Variants in NXPE3 observed in about 807,000 individuals in gnomAD.
NXPE3 encodes the protein NXPE family member 3.
Under a neutral mutation model 46.1 loss-of-function variants are expected in NXPE3, and 26 were observed. That is an observed-to-expected ratio of 0.56 (90% CI 0.41 to 0.78). The LOEUF (loss-of-function observed/expected upper bound fraction) is 0.78. Among genes scored for constraint, NXPE3 ranks in the 30% least tolerant of loss-of-function variants. The probability of loss-of-function intolerance (pLI) is 0.00; values close to 1 mark genes in which losing one functional copy is unlikely to be tolerated. For missense variants in NXPE3, 620 were observed against 686.0 expected (o/e 0.90, Z 1.07); for synonymous variants, 272 against 257.9 (o/e 1.05, Z -0.52).
At chr3:101,802,397 C>T (rs1284271884) in intron 5 of NXPE3, among the ~76,000 whole-genome samples, 2 of 150,706 alleles carry the variant, frequency 1.3e-5, no homozygotes, top group South Asian at 2.1e-4. Context: ...ACGGGAGGAT[C>T]GCTTGAGCCC....
intron 6 of NXPE3, among the ~76,000 whole-genome samples, chr3:101,810,559 G>C (rs1191201886): frequency 6.6e-6 from 1 of 152,136 alleles, no homozygotes; most frequent in Non-Finnish European, 1.5e-5. Flanking sequence ...ATTATCCTAG[G>C]TAGACCTGAC....
intron 1 of NXPE3, among the ~76,000 whole-genome samples, chr3:101,780,316 A>G (rs1242543684): frequency 2.0e-5 from 3 of 152,136 alleles, no homozygotes; most frequent in African/African-American, 7.2e-5. Context: ...TATCCTCACA[A>G]TCTCTTTGGG....
chr3:101,792,087 A>G (rs934430956), intron 4 of NXPE3, among the ~76,000 whole-genome samples: 6 of 152,210 alleles, frequency 3.9e-5, no homozygotes, highest in African/African-American at 1.4e-4. Context: ...GTTTCTGTTC[A>G]TGTCCTTTGC....
chr3:101,786,927 A>G (rs1203782817), intron 4 of NXPE3, among the ~76,000 whole-genome samples: 1 of 152,124 alleles, frequency 6.6e-6, no homozygotes, highest in Non-Finnish European at 1.5e-5. Flanking sequence ...TACCCATTAA[A>G]CAGTGATTAC....
At position 101,802,388 on chromosome 3, in the gene NXPE3, C is replaced by T. The variant is rs945235061; in HGVS notation, c.848+399C>T. ...ATCCCAGCACTTTGGGAGGCTGAAACGGGAGGATCGCTTGAGCCCAGGAGT... is the reference window on the plus strand; with the variant it reads ...ATCCCAGCACTTTGGGAGGCTGAAATGGGAGGATCGCTTGAGCCCAGGAGT... On this transcript the variant is annotated intron_variant, in intron 5 of 7. Transcript: ENST00000273347. Among the ~76,000 whole-genome samples, 467 of 150,470 alleles carry T rather than the reference C, an allele frequency of 3.1e-3. 4 individuals carry two copies. The highest frequency in any genetic ancestry group is 0.011 in the African/African-American group (430 of 40,098).
intron 1 of NXPE3, among the ~76,000 whole-genome samples, chr3:101,780,413 A>G (rs983026722): frequency 1.3e-5 from 2 of 152,274 alleles, no homozygotes; most frequent in South Asian, 2.1e-4. Flanking sequence ...ATTGCCTGGG[A>G]ATTGGGTTGT....
At chr3:101,783,362 G>A (rs1939944495) in intron 3 of NXPE3, among the ~76,000 whole-genome samples, 1 of 152,124 alleles carries the variant, frequency 6.6e-6, no homozygotes, top group South Asian at 2.1e-4. Context: ...CACCTGGCCT[G>A]GTATATATCT....
At chr3:101,808,856 T>TATATATACACATATATA (rs1941575402) in intron 6 of NXPE3, among the ~76,000 whole-genome samples, 2 of 127,658 alleles carry the variant, frequency 1.6e-5, no homozygotes, top group African/African-American at 3.0e-5. Flanking sequence ...TATATATATA[T>TATATATACACATATATA]GAGACATTTA....
intron 4 of NXPE3, among the ~76,000 whole-genome samples, chr3:101,786,241 CA>C (rs1940166421): frequency 6.6e-6 from 1 of 152,166 alleles, no homozygotes; most frequent in African/African-American, 2.4e-5. Context: ...TCCCCAGCCC[CA>C]ACATGAACTC....
intron 4 of NXPE3, 120 bp downstream of exon 4, chr3:101,785,809 T>G (rs1007178401): frequency 3.8e-6 from 3 of 781,090 alleles, no homozygotes; most frequent in African/African-American, 3.4e-5. Flanking sequence ...TTGTTTTCAT[T>G]TATTCGGTAA....
intron 3 of NXPE3, among the ~76,000 whole-genome samples, chr3:101,783,551 C>G (rs1939960207): frequency 6.6e-6 from 1 of 152,214 alleles, no homozygotes. Context: ...ATTGCTGCCT[C>G]TGGTCCTGTA....
Position 101,785,623 on chromosome 3 carries a change from G to T in NXPE3, c.27G>T (p.Arg9=). The T allele has an allele frequency of 6.2e-7, 1 of 1,614,076 alleles. No homozygotes were observed. Among genetic ancestry groups the T allele is most frequent in the African/African-American group, 1.3e-5 (1 of 75,018 alleles). ...TGTGGACCAATTTCTTCAAACTACG[G>T]CTTTTCTGCTGTCTGCTTGCAGTGT... MWTNFFKL[R]LFCCLLAVLM... The change falls in exon 4 of 8, where the codon CGG becomes CGT. Residue 9 remains arginine (R), a synonymous_variant. Coordinates refer to ENST00000273347, the MANE Select transcript of NXPE3 (RefSeq NM_145037.4).
chr3:101,808,818 G>GATATAT (rs58006464), intron 6 of NXPE3, among the ~76,000 whole-genome samples: 1,775 of 30,628 alleles, frequency 0.058, 155 homozygotes, highest in African/African-American at 0.076. Context: ...AATTTTAGAG[G>GATATAT]ATATATATAT....
chr3:101,787,497 G>A (rs773627420), intron 4 of NXPE3, among the ~76,000 whole-genome samples: 4 of 152,176 alleles, frequency 2.6e-5, no homozygotes, highest in African/African-American at 4.8e-5. Flanking sequence ...AGTAGAGATG[G>A]CGTTATGCCA....
chr3:101,783,976 T>C (rs1444707206), intron 3 of NXPE3, among the ~76,000 whole-genome samples: 1 of 152,082 alleles, frequency 6.6e-6, no homozygotes, highest in Non-Finnish European at 1.5e-5. Context: ...CCTGTGGAGG[T>C]GGCCAGGACT....
intron 6 of NXPE3, among the ~76,000 whole-genome samples, chr3:101,809,414 C>T (rs1941605503): frequency 1.3e-5 from 2 of 152,216 alleles, no homozygotes; most frequent in South Asian, 2.1e-4. Flanking sequence ...ATCAAGGGCT[C>T]ATAATTTTTT....
At chr3:101,802,247 G>A (rs1171180913) in intron 5 of NXPE3, among the ~76,000 whole-genome samples, 2 of 152,078 alleles carry the variant, frequency 1.3e-5, no homozygotes, top group African/African-American at 4.8e-5. Flanking sequence ...CCTCATATCT[G>A]TGTTTTCCTT....
In NXPE3 at chr3:101,801,562, G is replaced by A; in HGVS notation, c.421G>A (p.Gly141Arg). 1 of 1,614,210 alleles carries A rather than the reference G, an allele frequency of 6.2e-7. No individual in the cohort carries two copies. Among genetic ancestry groups the A allele is most frequent in the Non-Finnish European group, 8.5e-7 (1 of 1,180,042 alleles). ...TCAAAGAAAGCCCAAGAAGTATGGT[G>A]GAGACTACCTGCAGGCCAGAATTCA... ...DFQRKPKKYG[G>R]DYLQARIHSL... The change falls in exon 5 of 8, where the codon GGA becomes AGA. Residue 141 changes from glycine (G) to arginine (R), a missense_variant. By Grantham distance (125) the Gly-to-Arg change is moderately radical (BLOSUM62 -2). Coordinates refer to ENST00000273347, the MANE Select transcript of NXPE3 (RefSeq NM_145037.4).
chr3:101,820,579 A>T (rs1942201878), intron 7 of NXPE3, among the ~76,000 whole-genome samples: 1 of 152,218 alleles, frequency 6.6e-6, no homozygotes, highest in Non-Finnish European at 1.5e-5. Context: ...ATGCAAGGAA[A>T]TGTTCATTGC....
Sources: gnomAD v4.1 joint callset for allele counts (sites outside exome capture counted in the v4.1 genomes callset) on GRCh38, gnomAD v4.1.1 for gene constraint, MANE v1.5 for transcripts, NCBI Gene and HGNC (gene_info 2026-07-23, HGNC 2026-07-21) for gene names.